DNPEP: variants seen among roughly 807,000 people sequenced by gnomAD.
DNPEP encodes aspartyl aminopeptidase.
Under a neutral mutation model 59.1 loss-of-function variants are expected in DNPEP, and 46 were observed. The observed-to-expected ratio is 0.78, with a 90% CI of 0.61 to 0.99. DNPEP has a LOEUF of 0.99. DNPEP is among the 50% of genes least tolerant of loss of function. The probability of loss-of-function intolerance (pLI) is 0.00; values close to 1 mark genes in which losing one functional copy is unlikely to be tolerated. For synonymous variants in DNPEP, 229 were observed against 242.2 expected (o/e 0.95, Z 0.50); for missense variants, 617 against 649.9 (o/e 0.95, Z 0.55).
chr2:219,384,250 C>A, intron 9 of DNPEP, 116 bp downstream of exon 9: 1 of 960,854 alleles, frequency 1.0e-6, no homozygotes, highest in Non-Finnish European at 1.6e-6. Context: ...GCAGACTGAG[C>A]GGGTAGACAA....
At chr2:219,374,757 G>T in intron 14 of DNPEP, 98 bp downstream of exon 14, 1 of 1,413,116 alleles carries the variant, frequency 7.1e-7, no homozygotes, top group Non-Finnish European at 9.7e-7. Context: ...CATTACTCAG[G>T]CCAGTCACTT....
At position 219,373,641 on chromosome 2, in the gene DNPEP, A is replaced by T. The variant is rs959325643; in HGVS notation, c.*651T>A. 6.6e-6 allele frequency: 1 copy of T among 152,284 alleles called. No individual in the cohort carries two copies. Among genetic ancestry groups the T allele is most frequent in the Non-Finnish European group, 1.5e-5 (1 of 68,108 alleles). 9.4% of individuals were successfully genotyped at this position (152,284 alleles called of 1,614,324 possible). A position where few individuals can be genotyped will look rare whatever the true frequency, so the allele number is the denominator to read the frequency against. On this transcript the variant is annotated 3_prime_UTR_variant, in exon 15 of 15. Transcript: ENST00000273075. ...TGGCCTCCCAAAATGCTGGGAATAC[A>T]GATGTGAGCCGCTGCACCCGGCCAG...
intron 1 of DNPEP, chr2:219,399,769 C>A (rs1450777352): frequency 1.0e-6 from 1 of 979,410 alleles, no homozygotes; most frequent in Admixed American, 2.2e-5. Context: ...ATCTCTTTAT[C>A]CCCATAATGC....
chr2:219,395,648 T>C (rs1430938098), intron 1 of DNPEP, among the ~76,000 whole-genome samples: 1 of 152,264 alleles, frequency 6.6e-6, no homozygotes, highest in Non-Finnish European at 1.5e-5. Context: ...GTCATAACTC[T>C]TGGCGTTAGC....
chr2:219,392,611 A>G (rs550035432), upstream of DNPEP, among the ~76,000 whole-genome samples: 2 of 151,910 alleles, frequency 1.3e-5, no homozygotes, highest in African/African-American at 4.8e-5. Flanking sequence ...TGGGTTCCAG[A>G]GATTCTCCTG....
rs1251803526 is a variant in DNPEP at position 219,373,055 on chromosome 2, G to C, written c.*1237C>G. On this transcript the variant is annotated 3_prime_UTR_variant, in exon 15 of 15. Transcript: ENST00000273075. Reference sequence around the variant, plus strand: ...AGGAAGGAGGTTGGTTTATAAGCAGGCTTTGACTTTTTCTTTTTCTTTTTT... The same window carrying C: ...AGGAAGGAGGTTGGTTTATAAGCAGCCTTTGACTTTTTCTTTTTCTTTTTT... 6.6e-6 allele frequency among the ~76,000 whole-genome samples: 1 copy of C among 151,534 alleles called. No individual in the cohort carries two copies. The highest frequency in any genetic ancestry group is 2.4e-5 in the African/African-American group (1 of 41,224).
chr2:219,372,714 C>A lies in DNPEP; in HGVS notation c.*1578G>T, dbSNP rs914608538. ...CTTGTCCTGTGTCCAGTTCTGCAACCTGCCTTTTCTACTCAACAATGTCTT... is the reference window on the plus strand; with the variant it reads ...CTTGTCCTGTGTCCAGTTCTGCAACATGCCTTTTCTACTCAACAATGTCTT... On this transcript the variant is annotated 3_prime_UTR_variant, in exon 15 of 15. Coordinates refer to ENST00000273075, the MANE Select transcript of DNPEP (RefSeq NM_012100.4). Among the ~76,000 whole-genome samples, 2 of 152,146 alleles carry A rather than the reference C, an allele frequency of 1.3e-5. No individual in the cohort carries two copies. The highest frequency in any genetic ancestry group is 2.9e-5 in the Non-Finnish European group (2 of 68,032).
chr2:219,380,029 G>A (rs978413721), intron 13 of DNPEP, among the ~76,000 whole-genome samples: 5 of 151,870 alleles, frequency 3.3e-5, no homozygotes, highest in Non-Finnish European at 5.9e-5. Context: ...CTAAGTGTCC[G>A]GCATTGATAA....
chr2:219,380,138 T>C (rs1393038872), intron 13 of DNPEP, among the ~76,000 whole-genome samples: 1 of 151,856 alleles, frequency 6.6e-6, no homozygotes, highest in Non-Finnish European at 1.5e-5. Context: ...CTAAGTGCCC[T>C]ATACAGGTGG....
intron 1 of DNPEP, among the ~76,000 whole-genome samples, chr2:219,398,976 T>C (rs1424294726): frequency 2.0e-5 from 3 of 152,264 alleles, no homozygotes; most frequent in Non-Finnish European, 4.4e-5. Flanking sequence ...ATTTGTCTTG[T>C]TTATTTTAGT....
chr2:219,392,537 C>T (rs972267555), upstream of DNPEP, among the ~76,000 whole-genome samples: 2 of 152,016 alleles, frequency 1.3e-5, no homozygotes, highest in Non-Finnish European at 2.9e-5. Flanking sequence ...GAGATGGAGT[C>T]TCACTCTGTT....
rs746233470 is a variant in DNPEP, at chr2:219,383,185, G to A, written c.882C>T (p.Gly294=). Residue 294 remains glycine, a synonymous_variant, in exon 10 of 15, where the codon GGC becomes GGT. Transcript: ENST00000273075. ...GCACGTGAGGCTCTGTGGCCAGGGA[G>A]CCAGGGCCTGCACAGGAATCTATCA... is the stretch of plus-strand genomic sequence containing the variant. ...QALIDSCAGP[G]SLATEPHVRM... 1.2e-6 allele frequency: 2 copies of A among 1,614,232 alleles called. No individual in the cohort carries two copies. The highest frequency in any genetic ancestry group is 3.3e-5 in the Admixed American group (2 of 60,034).
chr2:219,376,816 G>C (rs970564801), intron 13 of DNPEP, among the ~76,000 whole-genome samples: 1 of 152,154 alleles, frequency 6.6e-6, no homozygotes, highest in Non-Finnish European at 1.5e-5. Flanking sequence ...CTCATCACTT[G>C]TATGGGTCAC....
At chr2:219,387,354 C>A (rs1007482254) in intron 1 of DNPEP, 191 bp from the exon 2 acceptor site, 1 of 1,444,714 alleles carries the variant, frequency 6.9e-7, no homozygotes, top group Non-Finnish European at 9.1e-7. Flanking sequence ...CCCGCCGGCC[C>A]AGGATCATGA....
upstream of DNPEP, among the ~76,000 whole-genome samples, chr2:219,391,939 G>GA (rs923625605): frequency 1.5e-4 from 21 of 143,470 alleles, no homozygotes; most frequent in Admixed American, 2.8e-4. Context: ...ACTGTTGAGT[G>GA]AAAAAAAAAA....
At chr2:219,379,169 G>A (rs995762777) in intron 13 of DNPEP, among the ~76,000 whole-genome samples, 13 of 151,988 alleles carry the variant, frequency 8.6e-5, no homozygotes, top group Admixed American at 6.6e-5. Flanking sequence ...CACCCGCCTC[G>A]GCCTCCCAAA....
rs766633405 is a variant in DNPEP at position 219,387,668 on chromosome 2, C to T, written c.36+91G>A. ...CGGTTTCGCTTTGGGTCAGGCGGCCCCACTGCAGCACCGCGCTAAGCTTGG... is the reference window on the plus strand; with the variant it reads ...CGGTTTCGCTTTGGGTCAGGCGGCCTCACTGCAGCACCGCGCTAAGCTTGG... On this transcript the variant is annotated intron_variant, in intron 1 of 14. Transcript: ENST00000273075. The T allele has an allele frequency of 8.2e-6, 13 of 1,579,376 alleles. No individual in the cohort carries two copies. In the Admixed American group the frequency reaches 1.1e-4, roughly 13 times the overall value.
At chr2:219,378,834 G>T (rs1364186710) in intron 13 of DNPEP, among the ~76,000 whole-genome samples, 2 of 147,942 alleles carry the variant, frequency 1.4e-5, no homozygotes, top group Non-Finnish European at 3.0e-5. Flanking sequence ...AGCATAACAC[G>T]TGCAATTATG....
In DNPEP at chr2:219,381,566, G is replaced by C; in HGVS notation, c.1116C>G (p.Asn372Lys). ...HPNYLDKHEE[N>K]HRPLFHKGPV... is the part of the protein sequence containing the mutation. ...TCACCTTGTGGAATAAAGGCCGGTG[G>C]TTCTCCTCATGCTTGTCCCTGTAAG... is the stretch of plus-strand genomic sequence containing the variant. Residue 372 changes from asparagine to lysine, a missense_variant, in exon 12 of 15, where the codon AAC (asparagine) becomes AAG (lysine). Physicochemically the swap from Asn to Lys is moderately conservative, Grantham distance 94. Transcript: ENST00000273075. The C allele has an allele frequency of 1.9e-6, 3 of 1,614,138 alleles. No individual in the cohort carries two copies. Among genetic ancestry groups the C allele is most frequent in the Non-Finnish European group, 2.5e-6 (3 of 1,180,032 alleles).
Sources: gnomAD v4.1 joint callset for allele counts (sites outside exome capture counted in the v4.1 genomes callset) on GRCh38, gnomAD v4.1.1 for gene constraint, MANE v1.5 for transcripts, NCBI Gene and HGNC (gene_info 2026-07-23, HGNC 2026-07-21) for gene names.